The following ULK4 variants were observed in gnomAD, a reference collection of about 807,000 sequenced individuals.
ULK4 encodes inactive serine/threonine-protein kinase ULK4.
A neutral mutation model predicts 160.6 loss-of-function variants in ULK4; 133 were observed. That is an observed-to-expected ratio of 0.83 (90% CI 0.72 to 0.96). The LOEUF is 0.96. Ranked by LOEUF, ULK4 falls within the 40% of genes least tolerant of loss-of-function variation. The probability of loss-of-function intolerance (pLI) is 0.00; values close to 1 mark genes in which losing one functional copy is unlikely to be tolerated. For synonymous variants in ULK4, 534 were observed against 539.8 expected, an observed-to-expected ratio of 0.99 and a Z score of 0.15; for missense variants, 1,580 against 1,499.5, an observed-to-expected ratio of 1.05 and a Z score of -0.89.
intron 34 of ULK4, among the ~76,000 whole-genome samples, chr3:41,437,863 C>A (rs1484186512): frequency 6.6e-6 from 1 of 152,070 alleles, no homozygotes; most frequent in Non-Finnish European, 1.5e-5. Context: ...ATTCTGTTTA[C>A]AAGTCCTTTT....
chr3:41,841,279 C>CTT (rs2041918686), intron 17 of ULK4, among the ~76,000 whole-genome samples: 1 of 132,430 alleles, frequency 7.6e-6, no homozygotes, highest in African/African-American at 2.9e-5. Context: ...CCTGGCCGCC[C>CTT]CGTCTGGGAA....
intron 22 of ULK4, among the ~76,000 whole-genome samples, chr3:41,722,130 C>A (rs985437651): frequency 6.6e-6 from 1 of 152,062 alleles, no homozygotes. Flanking sequence ...TAAATGAATG[C>A]GGTAAATTCT....
chr3:41,721,434 C>A (rs2125851753), intron 22 of ULK4, among the ~76,000 whole-genome samples: 1 of 136,868 alleles, frequency 7.3e-6, no homozygotes, highest in East Asian at 2.2e-4. Flanking sequence ...GTGGCACAAT[C>A]TCGGTTCAAT....
chr3:41,297,552 C>T (rs879783960), intron 35 of ULK4, among the ~76,000 whole-genome samples: 4 of 152,330 alleles, frequency 2.6e-5, no homozygotes, highest in South Asian at 2.1e-4. Context: ...AACACCTATA[C>T]CACCATAAAA....
chr3:41,766,893 T>C (rs1246745915), intron 21 of ULK4: 1 of 152,226 alleles, frequency 6.6e-6, no homozygotes, highest in Non-Finnish European at 1.5e-5. Flanking sequence ...AGGCGACAGA[T>C]GTCACAGCCA....
chr3:41,276,641 A>C (rs1375068121), intron 35 of ULK4, among the ~76,000 whole-genome samples: 1 of 152,258 alleles, frequency 6.6e-6, no homozygotes, highest in Admixed American at 6.5e-5. Context: ...GCTAATTATA[A>C]ACAGAACAAA....
intron 34 of ULK4, among the ~76,000 whole-genome samples, chr3:41,427,996 T>G (rs960564014): frequency 1.3e-5 from 2 of 152,170 alleles, no homozygotes; most frequent in African/African-American, 2.4e-5. Context: ...TGTTTACAGA[T>G]GACATAATCC....
intron 35 of ULK4, among the ~76,000 whole-genome samples, chr3:41,296,642 G>C (rs981641235): frequency 4.0e-5 from 6 of 151,848 alleles, no homozygotes; most frequent in Non-Finnish European, 8.8e-5. Flanking sequence ...AAAGGAGAAA[G>C]GGAGGCAGCC....
At chr3:41,672,431 A>G (rs2035573958) in intron 29 of ULK4, among the ~76,000 whole-genome samples, 1 of 152,210 alleles carries the variant, frequency 6.6e-6, no homozygotes, top group South Asian at 2.1e-4. Flanking sequence ...CATTATATTA[A>G]GTGAAATAAG....
At chr3:41,771,509 T>C (rs909954043) in intron 21 of ULK4, among the ~76,000 whole-genome samples, 3 of 152,162 alleles carry the variant, frequency 2.0e-5, no homozygotes, top group African/African-American at 7.2e-5. Flanking sequence ...CAAAAAAGCA[T>C]GTAAGAATTT....
intron 32 of ULK4, among the ~76,000 whole-genome samples, chr3:41,539,891 T>TA (rs2086635661): frequency 6.6e-6 from 1 of 152,100 alleles, no homozygotes; most frequent in Non-Finnish European, 1.5e-5. Flanking sequence ...CTTTTAGGCA[T>TA]CTGACTCCTC....
rs139356702 is a variant in ULK4, at chr3:41,713,087, G to GA, written c.2634+2149dup. Among the ~76,000 whole-genome samples, 1,504 of 136,026 alleles carry GA rather than the reference G, an allele frequency of 0.011. 44 individuals are homozygous for GA. The East Asian group carries it at 0.13, about 12-fold the overall frequency. 89.2% of individuals were successfully genotyped at this position (136,026 alleles called of 152,430 possible). ...TCCCCACCACTACCACCAAAAAAAA[G>GA]AAAAAAAAAAGCCCTCTCAAATAGT... On this transcript the variant is annotated intron_variant, in intron 25 of 36. Transcript: ENST00000301831.
intron 18 of ULK4, among the ~76,000 whole-genome samples, chr3:41,824,085 T>C (rs138206728): frequency 0.25 from 37,277 of 149,210 alleles, 5,701 homozygotes; most frequent in African/African-American, 0.44. Flanking sequence ...ATTGCTTGAA[T>C]CCAGGAGGTG....
At chr3:41,900,944 T>C in intron 12 of ULK4, 115 bp from the exon 13 acceptor site, 1 of 651,106 alleles carries the variant, frequency 1.5e-6, no homozygotes, top group African/African-American at 1.8e-5. Context: ...TATATCAATG[T>C]ACTTCAACTG....
rs76467927 is a variant in ULK4, at chr3:41,386,271, C to T, written c.3678+11808G>A. On this transcript the variant is annotated intron_variant, in intron 35 of 36. Coordinates refer to ENST00000301831, the MANE Select transcript of ULK4 (RefSeq NM_017886.4). ...TCTAATTTTGCATTTCATTTTGTGG[C>T]CTGCTTTCACATTCACCCACCCTAA... 4.2e-3 allele frequency among the ~76,000 whole-genome samples: 635 copies of T among 152,162 alleles called. 2 individuals are homozygous for T. The highest frequency in any genetic ancestry group is 0.015 in the African/African-American group (605 of 41,534).
rs1403956507 is a variant in ULK4 at position 41,896,974 on chromosome 3, C to A, written c.1378G>T (p.Asp460Tyr). ...ACTTGTTGCAAAAAGTCATTCCAAT[C>A]TTGATCTTTCAGAAATAATAACTTA... ...VDKLLFLKDQDWNDFLQQVCS... is the reference protein window; with the variant it reads ...VDKLLFLKDQYWNDFLQQVCS... The change falls in exon 15 of 37, where the codon GAT becomes TAT. Residue 460 changes from aspartate (D) to tyrosine (Y), a missense_variant. By Grantham distance (160) the Asp-to-Tyr change is radical (BLOSUM62 -3). Transcript: ENST00000301831. 2 of 1,612,680 alleles carry A rather than the reference C, an allele frequency of 1.2e-6. No individual in the cohort carries two copies. The highest frequency in any genetic ancestry group is 1.3e-5 in the African/African-American group (1 of 74,858).
rs146489098 is a variant in ULK4 at position 41,897,347 on chromosome 3, A to T, written c.1349-344T>A. Reference sequence around the variant, plus strand: ...AAAGAGCCTTTGTATAAATAAATCAACTCTCAAATATTGAGAAAAGCACAA... The same window carrying T: ...AAAGAGCCTTTGTATAAATAAATCATCTCTCAAATATTGAGAAAAGCACAA... On this transcript the variant is annotated intron_variant, in intron 14 of 36. Transcript: ENST00000301831. Among the ~76,000 whole-genome samples, 474 of 152,296 alleles carry T rather than the reference A, an allele frequency of 3.1e-3. 1 individual carries two copies. Among genetic ancestry groups the T allele is most frequent in the African/African-American group, 0.011 (450 of 41,564 alleles).
At chr3:41,829,523 A>C (rs1474172848) in intron 18 of ULK4, among the ~76,000 whole-genome samples, 1 of 152,192 alleles carries the variant, frequency 6.6e-6, no homozygotes, top group Non-Finnish European at 1.5e-5. Context: ...ACATTTATGC[A>C]GCCAAAAGAC....
At chr3:41,600,903 A>T (rs374549656) in intron 31 of ULK4, among the ~76,000 whole-genome samples, 4 of 152,224 alleles carry the variant, frequency 2.6e-5, no homozygotes, top group Admixed American at 2.6e-4. Context: ...ACTCCCAAGG[A>T]AACAGAGGTA....
Sources: allele counts gnomAD v4.1 joint callset (sites outside exome capture counted in the v4.1 genomes callset), GRCh38; gene constraint gnomAD v4.1.1; transcripts MANE v1.5; gene names NCBI Gene and HGNC (gene_info 2026-07-23, HGNC 2026-07-21).